Variants in DENND1B observed in about 807,000 individuals in gnomAD.
The protein encoded by DENND1B is DENN domain-containing protein 1B.
In DENND1B, 59 loss-of-function variants were observed where a neutral mutation model predicts 90.1. The ratio of observed to expected loss-of-function variants is 0.65; its 90% confidence interval spans 0.53 to 0.81. The LOEUF is 0.81. Among genes scored for constraint, DENND1B ranks in the 40% least tolerant of loss-of-function variants. DENND1B has a pLI of 0.00. For missense variants in DENND1B, 862 were observed against 912.6 expected, an observed-to-expected ratio of 0.94 and a Z score of 0.71; for synonymous variants, 337 against 324.6, an observed-to-expected ratio of 1.04 and a Z score of -0.41.
intron 18 of DENND1B, among the ~76,000 whole-genome samples, chr1:197,541,926 C>G (rs907037915): frequency 1.3e-5 from 2 of 152,164 alleles, no homozygotes; most frequent in African/African-American, 2.4e-5. Context: ...CTTTAGTATA[C>G]AGAGTTGAAG....
chr1:197,618,281 G>C (rs549689554), intron 10 of DENND1B, among the ~76,000 whole-genome samples: 1 of 151,302 alleles, frequency 6.6e-6, no homozygotes, highest in South Asian at 2.1e-4. Context: ...TGGAGCTTCA[G>C]TAATGTGTGA....
chr1:197,775,125 G>A lies in DENND1B; in HGVS notation c.17+14C>T. ...GGACGCCCGCCCCCGACGCGCCCGG[G>A]CCCCCCCACTCACTTGGTCCTGCAG... On this transcript the variant is annotated intron_variant, in intron 1 of 22. Transcript: ENST00000620048. 2 of 1,281,396 alleles carry A rather than the reference G, an allele frequency of 1.6e-6. No homozygotes were observed. Among genetic ancestry groups the A allele is most frequent in the Non-Finnish European group, 2.0e-6 (2 of 1,002,080 alleles). 79.4% of individuals were successfully genotyped at this position (1,281,396 alleles called of 1,614,324 possible).
At chr1:197,625,269 G>T (rs905085700) in intron 10 of DENND1B, among the ~76,000 whole-genome samples, 1 of 152,054 alleles carries the variant, frequency 6.6e-6, no homozygotes, top group African/African-American at 2.4e-5. Context: ...AGAGAGAAAG[G>T]TCGGGTTACC....
chr1:197,607,144 C>A lies in DENND1B; in HGVS notation c.850G>T (p.Val284Phe). ...GTGTTTGTATCAACATTTAACATAA[C>A]AACATCTTCCAATGATTTGTTTTTC... ...RVKNKSLEDV[V>F]MLNVDTNTLE... is the part of the protein sequence containing the mutation. Residue 284 changes from valine to phenylalanine, a missense_variant, in exon 13 of 23, where the codon GTT (valine) becomes TTT (phenylalanine). By Grantham distance (50) the Val-to-Phe change is conservative. Coordinates refer to ENST00000620048, the MANE Select transcript of DENND1B (RefSeq NM_001195215.2). 3 of 1,593,566 alleles carry A rather than the reference C, an allele frequency of 1.9e-6. No homozygotes were observed. Among genetic ancestry groups the A allele is most frequent in the Non-Finnish European group, 1.7e-6 (2 of 1,170,482 alleles).
chr1:197,678,239 T>C (rs1160293409), intron 3 of DENND1B, among the ~76,000 whole-genome samples: 1 of 152,214 alleles, frequency 6.6e-6, no homozygotes, highest in Non-Finnish European at 1.5e-5. Flanking sequence ...TATTATATTT[T>C]ATTTCTTAAG....
chr1:197,618,250 G>A (rs1677838441), intron 10 of DENND1B, among the ~76,000 whole-genome samples: 1 of 151,098 alleles, frequency 6.6e-6, no homozygotes, highest in East Asian at 2.0e-4. Flanking sequence ...ATAATATCAG[G>A]GGACTTGAAT....
chr1:197,762,397 G>A (rs369467429), intron 2 of DENND1B, among the ~76,000 whole-genome samples: 1 of 152,068 alleles, frequency 6.6e-6, no homozygotes, highest in African/African-American at 2.4e-5. Context: ...CTCCTGAGTA[G>A]CTGAGACTAC....
rs1668128233 is a variant in DENND1B at position 197,512,887 on chromosome 1, TGTC to T, written c.1579_1581del (p.Asp527del). ...ATTACTTACTTGCTTGCTCTTTCAA[TGTC>T]ATCATCATCTTCATCATCATATAGA... On this transcript the variant is annotated inframe_deletion, in exon 21 of 23. Transcript: ENST00000620048. 6.2e-7 allele frequency: 1 copy of T among 1,610,664 alleles called. No individual in the cohort carries two copies. Among genetic ancestry groups the T allele is most frequent in the Non-Finnish European group, 8.5e-7 (1 of 1,177,988 alleles).
chr1:197,663,106 T>A (rs1016151143), intron 5 of DENND1B, among the ~76,000 whole-genome samples: 1 of 152,096 alleles, frequency 6.6e-6, no homozygotes, highest in Non-Finnish European at 1.5e-5. Context: ...ACATTCTAAG[T>A]ATGAAATTTT....
intron 3 of DENND1B, among the ~76,000 whole-genome samples, chr1:197,702,911 T>G (rs914300198): frequency 6.6e-6 from 1 of 152,136 alleles, no homozygotes. Flanking sequence ...AACAACTGAG[T>G]ATATACTTTT....
At chr1:197,585,710 C>T (rs1674638345) in intron 14 of DENND1B, among the ~76,000 whole-genome samples, 1 of 152,194 alleles carries the variant, frequency 6.6e-6, no homozygotes, top group Non-Finnish European at 1.5e-5. Context: ...AGCACTGACA[C>T]ATCAGAATTT....
intron 5 of DENND1B, among the ~76,000 whole-genome samples, chr1:197,661,575 G>A (rs1654411984): frequency 6.6e-6 from 1 of 152,014 alleles, no homozygotes; most frequent in Non-Finnish European, 1.5e-5. Flanking sequence ...TTGATTGTAG[G>A]TGGCTGCATG....
intron 10 of DENND1B, among the ~76,000 whole-genome samples, chr1:197,630,936 C>G (rs925789888): frequency 6.6e-6 from 1 of 152,118 alleles, no homozygotes; most frequent in African/African-American, 2.4e-5. Context: ...GTACTCACCT[C>G]GTCACAACTC....
intron 6 of DENND1B, 36 bp from the exon 7 acceptor site, chr1:197,652,351 A>G: frequency 6.5e-7 from 1 of 1,538,820 alleles, no homozygotes; most frequent in Non-Finnish European, 8.9e-7. Flanking sequence ...TATAAATAAA[A>G]CATATACCAA....
Position 197,652,328 on chromosome 1 carries a change from A to G in DENND1B, c.367-13T>C, listed in dbSNP as rs1304255827. On this transcript the variant is annotated splice_polypyrimidine_tract_variant and intron_variant, in intron 6 of 22. Transcript: ENST00000620048. ...TCAAATCATTTTCCTAGGGCAAAAG[A>G]AAAAGTACATTTTATAAATAAAACA... 6.2e-7 allele frequency: 1 copy of G among 1,600,566 alleles called. No individual in the cohort carries two copies. Among genetic ancestry groups the G allele is most frequent in the Non-Finnish European group, 8.5e-7 (1 of 1,174,044 alleles).
At chr1:197,619,273 T>C (rs1677931393) in intron 10 of DENND1B, among the ~76,000 whole-genome samples, 1 of 151,180 alleles carries the variant, frequency 6.6e-6, no homozygotes, top group Non-Finnish European at 1.5e-5. Context: ...CATGGATTTA[T>C]TTATGTTACA....
intron 3 of DENND1B, among the ~76,000 whole-genome samples, chr1:197,674,562 A>T (rs1364991544): frequency 6.6e-6 from 1 of 152,138 alleles, no homozygotes; most frequent in Non-Finnish European, 1.5e-5. Context: ...CAAAAATATA[A>T]ATGTTGTTTC....
chr1:197,513,166 A>G (rs1004761330), intron 20 of DENND1B, among the ~76,000 whole-genome samples: 1 of 26,584 alleles, frequency 3.8e-5, no homozygotes, highest in Non-Finnish European at 1.2e-4. Context: ...AACTTCTCAA[A>G]CCAATAAAAA....
intron 3 of DENND1B, among the ~76,000 whole-genome samples, chr1:197,688,154 T>C (rs1401649652): frequency 1.3e-5 from 2 of 152,004 alleles, no homozygotes; most frequent in African/African-American, 4.8e-5. Context: ...AAAACACTGA[T>C]GAAATAAATT....
Sources: gnomAD v4.1 joint callset for allele counts (sites outside exome capture counted in the v4.1 genomes callset) on GRCh38, gnomAD v4.1.1 for gene constraint, MANE v1.5 for transcripts, NCBI Gene and HGNC (gene_info 2026-07-23, HGNC 2026-07-21) for gene names.